The following ADH1C variants were observed in gnomAD, a reference collection of about 807,000 sequenced individuals.
ADH1C encodes the protein alcohol dehydrogenase 1C (class I), gamma polypeptide.
In ADH1C, 26 loss-of-function variants were observed where a neutral mutation model predicts 35.0. The ratio of observed to expected loss-of-function variants is 0.74; its 90% confidence interval spans 0.54 to 1.03. The LOEUF is 1.03. Among genes scored for constraint, ADH1C ranks in the 50% least tolerant of loss-of-function variants. The pLI is 0.00. For synonymous variants in ADH1C, 170 were observed against 169.3 expected, an observed-to-expected ratio of 1.00 and a Z score of -0.03; for missense variants, 413 against 465.4, an observed-to-expected ratio of 0.89 and a Z score of 1.04.
At chr4:99,341,279 G>A (rs537581999) in intron 6 of ADH1C, among the ~76,000 whole-genome samples, 1 of 152,084 alleles carries the variant, frequency 6.6e-6, no homozygotes, top group Non-Finnish European at 1.5e-5. Flanking sequence ...CTGATTATTT[G>A]GGAACCTCAA....
chr4:99,340,676 C>T lies in ADH1C; in HGVS notation c.863G>A (p.Gly288Asp), dbSNP rs1423604859. 1 of 1,612,958 alleles carries T rather than the reference C, an allele frequency of 6.2e-7. No homozygotes were observed. The highest frequency in any genetic ancestry group is 8.5e-7 in the Non-Finnish European group (1 of 1,180,000). The change falls in exon 7 of 9, where the codon GGC (glycine) becomes GAC (aspartate). Residue 288 changes from glycine to aspartate, a missense_variant. Transcript: ENST00000515683. ...AGGTACCCCTACAATGACACTTGTGCCACATGCCTCATGACAACATAACAG... is the reference window on the plus strand; with the variant it reads ...AGGTACCCCTACAATGACACTTGTGTCACATGCCTCATGACAACATAACAG... ...ASLLCCHEAC[G>D]TSVIVGVPPD...
intron 2 of ADH1C, 67 bp downstream of exon 2, chr4:99,347,678 T>G: frequency 1.4e-6 from 2 of 1,437,182 alleles, no homozygotes; most frequent in Non-Finnish European, 1.9e-6. Flanking sequence ...TTTTGGATGT[T>G]TCTATTTTTA....
chr4:99,339,847 GAT>G, intron 7 of ADH1C, 132 bp from the exon 8 acceptor site: 2 of 834,946 alleles, frequency 2.4e-6, no homozygotes, highest in Non-Finnish European at 3.8e-6. Flanking sequence ...GATAATAAGA[GAT>G]AGAGTACTTC....
At chr4:99,341,162 T>C (rs918509767) in intron 6 of ADH1C, among the ~76,000 whole-genome samples, 1 of 152,228 alleles carries the variant, frequency 6.6e-6, no homozygotes, top group African/African-American at 2.4e-5. Context: ...CTTGTCCACT[T>C]GATAGCCTCC....
intron 1 of ADH1C, among the ~76,000 whole-genome samples, chr4:99,350,048 C>G (rs1734638769): frequency 6.6e-6 from 1 of 152,096 alleles, no homozygotes; most frequent in Non-Finnish European, 1.5e-5. Flanking sequence ...AATAAAAATT[C>G]AATTGAAATT....
chr4:99,337,102 A>G (rs1317801580), intron 8 of ADH1C, among the ~76,000 whole-genome samples: 1 of 152,228 alleles, frequency 6.6e-6, no homozygotes, highest in Non-Finnish European at 1.5e-5. Context: ...AAATAACAAT[A>G]GATAATAACA....
chr4:99,343,186 C>G (rs1734457255), intron 5 of ADH1C, 131 bp from the exon 6 acceptor site: 2 of 1,343,506 alleles, frequency 1.5e-6, no homozygotes, highest in Admixed American at 2.6e-5. Flanking sequence ...TTATCGAAAC[C>G]TGTTTTGGCT....
In ADH1C at chr4:99,340,702, G is replaced by A. The variant is rs1318630281; in HGVS notation, c.837C>T (p.Ser279=). ...CACATGCCTCATGACAACATAACAG[G>A]GAAGCCATCTGGAATAAAGTGAACA... ...VIGRLDTMMA[S]LLCCHEACGT... Residue 279 remains serine, a synonymous_variant, in exon 7 of 9, where the codon TCC becomes TCT. Coordinates refer to ENST00000515683, the MANE Select transcript of ADH1C (RefSeq NM_000669.5). The A allele has an allele frequency of 6.2e-7, 1 of 1,612,508 alleles. No individual in the cohort carries two copies. Among genetic ancestry groups the A allele is most frequent in the Non-Finnish European group, 8.5e-7 (1 of 1,179,974 alleles).
intron 1 of ADH1C, among the ~76,000 whole-genome samples, chr4:99,349,900 C>A (rs1477283896): frequency 3.9e-5 from 6 of 152,084 alleles, no homozygotes; most frequent in African/African-American, 1.2e-4. Flanking sequence ...CAAGCTTATC[C>A]ACAGATGTCC....
intron 1 of ADH1C, 27 bp from the exon 2 acceptor site, chr4:99,347,873 C>A: frequency 6.2e-7 from 1 of 1,611,628 alleles, no homozygotes; most frequent in African/African-American, 1.3e-5. Context: ...AGAGATGGTA[C>A]CAGTGTTTTC....
At chr4:99,338,089 T>G (rs1734317550) in intron 8 of ADH1C, among the ~76,000 whole-genome samples, 1 of 151,778 alleles carries the variant, frequency 6.6e-6, no homozygotes, top group Admixed American at 6.6e-5. Flanking sequence ...ATTACCAAAT[T>G]GCTTTCCCAA....
At chr4:99,343,181 GA>G in intron 5 of ADH1C, 126 bp from the exon 6 acceptor site, 3 of 1,383,018 alleles carry the variant, frequency 2.2e-6, no homozygotes, top group Non-Finnish European at 2.0e-6. Flanking sequence ...ATCTGTTATC[GA>G]AACCTGTTTT....
chr4:99,346,950 C>T, intron 3 of ADH1C, 56 bp downstream of exon 3: 2 of 1,584,756 alleles, frequency 1.3e-6, no homozygotes, highest in Non-Finnish European at 1.7e-6. Context: ...CTCATCCAGG[C>T]TGACTAATCT....
chr4:99,349,494 T>A (rs1734624410), intron 1 of ADH1C, among the ~76,000 whole-genome samples: 1 of 152,224 alleles, frequency 6.6e-6, no homozygotes, highest in Non-Finnish European at 1.5e-5. Context: ...TTTACTTTGC[T>A]GACAGAGTCA....
intron 3 of ADH1C, among the ~76,000 whole-genome samples, chr4:99,346,586 G>A (rs1734534135): frequency 6.6e-6 from 1 of 152,100 alleles, no homozygotes; most frequent in African/African-American, 2.4e-5. Context: ...TCCATTTTGT[G>A]AACTCAGCAC....
chr4:99,343,143 T>G, intron 5 of ADH1C, 88 bp from the exon 6 acceptor site: 1 of 1,523,652 alleles, frequency 6.6e-7, no homozygotes, highest in Non-Finnish European at 8.9e-7. Context: ...TTGTGTGTTA[T>G]CAAGAACTAC....
intron 1 of ADH1C, among the ~76,000 whole-genome samples, chr4:99,351,912 A>G (rs1281903125): frequency 6.6e-6 from 1 of 152,210 alleles, no homozygotes; most frequent in African/African-American, 2.4e-5. Context: ...AAATTTATAG[A>G]AGAAAAAACA....
intron 6 of ADH1C, 70 bp from the exon 7 acceptor site, chr4:99,340,780 C>T (rs1339429612): frequency 6.3e-7 from 1 of 1,596,206 alleles, no homozygotes; most frequent in Non-Finnish European, 8.6e-7. Flanking sequence ...TGCACAATAT[C>T]ATGTAATAGG....
chr4:99,344,239 T>C (rs905248737), intron 5 of ADH1C, among the ~76,000 whole-genome samples: 3 of 152,210 alleles, frequency 2.0e-5, no homozygotes, highest in South Asian at 2.1e-4. Context: ...CTTTAAAGAA[T>C]TTCTGCTTGA....
Sources: gnomAD v4.1 joint callset for allele counts (sites outside exome capture counted in the v4.1 genomes callset) on GRCh38, gnomAD v4.1.1 for gene constraint, MANE v1.5 for transcripts, NCBI Gene and HGNC (gene_info 2026-07-23, HGNC 2026-07-21) for gene names.